WWOX: variants seen among roughly 807,000 people sequenced by gnomAD.
The protein encoded by WWOX is WW domain-containing oxidoreductase.
In WWOX, 69 loss-of-function variants were observed where a neutral mutation model predicts 46.2. The observed-to-expected ratio is 1.49, with a 90% CI of 1.23 to 1.82. The LOEUF (loss-of-function observed/expected upper bound fraction) is 1.82, where lower values mean the gene tolerates loss of function less well. Among genes scored for constraint, WWOX ranks in the 40% most tolerant of loss-of-function variants. The pLI is 0.00. For missense variants in WWOX, 919 were observed against 542.6 expected (o/e 1.69, Z -6.89); for synonymous variants, 359 against 202.6 (o/e 1.77, Z -6.56).
At chr16:78,522,829 T>G (rs1193504918) in intron 8 of WWOX, among the ~76,000 whole-genome samples, 1 of 152,200 alleles carries the variant, frequency 6.6e-6, no homozygotes, top group African/African-American at 2.4e-5. Flanking sequence ...CACGGCACTT[T>G]GGGAGGCCAA....
chr16:78,433,625 G>C (rs2083271362), intron 8 of WWOX, among the ~76,000 whole-genome samples: 2 of 151,964 alleles, frequency 1.3e-5, no homozygotes, highest in Admixed American at 6.6e-5. Flanking sequence ...GTTGGACCTA[G>C]GATATTAATA....
At chr16:78,721,391 GACA>G (rs2048685679) in intron 8 of WWOX, among the ~76,000 whole-genome samples, 1 of 152,074 alleles carries the variant, frequency 6.6e-6, no homozygotes. Flanking sequence ...TCTGTGTAGT[GACA>G]ACAATTATTC....
chr16:78,639,299 C>A (rs561863967), intron 8 of WWOX, among the ~76,000 whole-genome samples: 42 of 152,332 alleles, frequency 2.8e-4, no homozygotes, highest in African/African-American at 1.0e-3. Context: ...GCAACCCAAG[C>A]TGGGTCAGTC....
At chr16:78,814,075 C>T (rs1274901789) in intron 8 of WWOX, among the ~76,000 whole-genome samples, 2 of 152,176 alleles carry the variant, frequency 1.3e-5, no homozygotes, top group South Asian at 2.1e-4. Flanking sequence ...TGCCCAGGCA[C>T]ATGGGCTGTG....
intron 8 of WWOX, among the ~76,000 whole-genome samples, chr16:78,572,104 G>A (rs1323060347): frequency 3.3e-5 from 5 of 152,140 alleles, no homozygotes; most frequent in Non-Finnish European, 7.4e-5. Context: ...AAACTGTTGA[G>A]AACTAGGAAA....
chr16:78,743,701 A>G (rs1304534134), intron 8 of WWOX, among the ~76,000 whole-genome samples: 1 of 152,148 alleles, frequency 6.6e-6, no homozygotes, highest in East Asian at 1.9e-4. Flanking sequence ...CCGTTTGCAT[A>G]GGAGCTGTAA....
At chr16:78,109,750 C>T (rs751864235) in intron 2 of WWOX, 28 bp from the exon 3 acceptor site, 1 of 1,613,784 alleles carries the variant, frequency 6.2e-7, no homozygotes, top group South Asian at 1.1e-5. Context: ...TCCCTGGCAC[C>T]TGTAGACCTG....
At chr16:78,143,939 T>A (rs867818042) in intron 4 of WWOX, among the ~76,000 whole-genome samples, 1 of 151,276 alleles carries the variant, frequency 6.6e-6, no homozygotes, top group Non-Finnish European at 1.5e-5. Context: ...ATTTTCACTT[T>A]AAAAAAAAAT....
intron 8 of WWOX, among the ~76,000 whole-genome samples, chr16:78,699,671 C>A (rs1244885488): frequency 6.6e-6 from 1 of 152,206 alleles, no homozygotes; most frequent in Non-Finnish European, 1.5e-5. Flanking sequence ...GGAGAGTCAG[C>A]TATTCCCTCT....
At chr16:78,157,994 C>T (rs900331246) in intron 4 of WWOX, among the ~76,000 whole-genome samples, 4 of 152,318 alleles carry the variant, frequency 2.6e-5, no homozygotes, top group Admixed American at 6.5e-5. Flanking sequence ...TTTACAGAAA[C>T]GATAACTGAG....
At chr16:78,331,974 G>T (rs1238660961) in intron 5 of WWOX, among the ~76,000 whole-genome samples, 1 of 152,176 alleles carries the variant, frequency 6.6e-6, no homozygotes, top group Non-Finnish European at 1.5e-5. Context: ...CTCCAAAGCT[G>T]TGTCCTCAAG....
chr16:78,556,681 G>A (rs2044304674), intron 8 of WWOX, among the ~76,000 whole-genome samples: 1 of 152,068 alleles, frequency 6.6e-6, no homozygotes, highest in Admixed American at 6.6e-5. Context: ...CTTTGTATTT[G>A]TTTTCCCTGA....
rs563180769 is a variant in WWOX at position 78,488,708 on chromosome 16, A to G, written c.1056+55956A>G. ...AGGCTCTGAGTCAAGCAGACCTGGA[A>G]TTTTCTTTATGGGCCATTAGGAACT... On this transcript the variant is annotated intron_variant, in intron 8 of 8. Transcript: ENST00000566780. Among the ~76,000 whole-genome samples, 8 of 152,090 alleles carry G rather than the reference A, an allele frequency of 5.3e-5. No individual in the cohort carries two copies. In the East Asian group the frequency reaches 9.7e-4, roughly 18 times the overall value.
chr16:78,670,443 T>A (rs1230709891), intron 8 of WWOX, among the ~76,000 whole-genome samples: 5 of 152,144 alleles, frequency 3.3e-5, no homozygotes, highest in Admixed American at 3.3e-4. Context: ...TGAGAACTAT[T>A]AGGGCTGATC....
chr16:78,842,809 GC>G (rs2052196121), intron 8 of WWOX, among the ~76,000 whole-genome samples: 1 of 132,998 alleles, frequency 7.5e-6, no homozygotes, highest in Admixed American at 7.6e-5. Context: ...CCAAGATCAC[GC>G]CACTGCACAC....
intron 4 of WWOX, 39 bp downstream of exon 4, chr16:78,115,193 A>T (rs530324337): frequency 1.9e-6 from 3 of 1,611,464 alleles, no homozygotes; most frequent in Non-Finnish European, 2.5e-6. Context: ...TGGGACTGCT[A>T]TAATGAGATC....
intron 8 of WWOX, among the ~76,000 whole-genome samples, chr16:78,568,736 A>T (rs1468546279): frequency 2.0e-5 from 3 of 152,078 alleles, no homozygotes. Context: ...CGGCCTCCCA[A>T]AGTGCTGGGA....
At chr16:78,806,420 A>T (rs1253229329) in intron 8 of WWOX, among the ~76,000 whole-genome samples, 1 of 152,200 alleles carries the variant, frequency 6.6e-6, no homozygotes, top group Middle Eastern at 3.2e-3. Flanking sequence ...CTGTAGTTTC[A>T]GCAGGGCTCT....
At chr16:78,829,177 C>A (rs2051745034) in intron 8 of WWOX, among the ~76,000 whole-genome samples, 1 of 151,892 alleles carries the variant, frequency 6.6e-6, no homozygotes, top group African/African-American at 2.4e-5. Context: ...GACAGATGGA[C>A]AGATAGAGAT....
Sources: gnomAD v4.1 joint callset for allele counts (sites outside exome capture counted in the v4.1 genomes callset) on GRCh38, gnomAD v4.1.1 for gene constraint, MANE v1.5 for transcripts, NCBI Gene and HGNC (gene_info 2026-07-23, HGNC 2026-07-21) for gene names.